MCTP2: variants seen among roughly 807,000 people sequenced by gnomAD.
MCTP2 encodes the protein multiple C2 and transmembrane domain containing 2.
Under a neutral mutation model 111.6 loss-of-function variants are expected in MCTP2, and 132 were observed. That is an observed-to-expected ratio of 1.18 (90% CI 1.03 to 1.37). The LOEUF (loss-of-function observed/expected upper bound fraction) is 1.37. Among genes scored for constraint, MCTP2 ranks in the 40% most tolerant of loss-of-function variants. The pLI is 0.00. For missense variants in MCTP2, 1,183 were observed against 1,067.9 expected (o/e 1.11, Z -1.50); for synonymous variants, 395 against 387.7 (o/e 1.02, Z -0.22).
rs753068209 is a variant in MCTP2 at position 94,273,544 on chromosome 15, C to T, written c.-65-24657C>T. On this transcript the variant is annotated intron_variant, in intron 1 of 22. Coordinates refer to ENST00000357742, the MANE Select transcript of MCTP2 (RefSeq NM_001385001.1). The stretch of plus-strand genomic sequence containing the variant: ...CTGGGACCACAGCAAAAACTGCAAA[C>T]GTCACTTCAATGCCCCCTCGCAGGT... 3.5e-5 allele frequency: 7 copies of T among 198,460 alleles called. No individual in the cohort carries two copies. The East Asian group carries it at 7.1e-4, about 20-fold the overall frequency. The allele number at this position is 198,460 out of a possible 1,614,324, so 12.3% of individuals were successfully genotyped here.
chr15:94,454,002 C>T (rs2084638977), intron 19 of MCTP2, among the ~76,000 whole-genome samples: 1 of 152,184 alleles, frequency 6.6e-6, no homozygotes, highest in African/African-American at 2.4e-5. Flanking sequence ...TCATTTTCCA[C>T]TTCAAGATTT....
At chr15:94,311,537 C>T (rs1020763722) in intron 2 of MCTP2, among the ~76,000 whole-genome samples, 1 of 152,062 alleles carries the variant, frequency 6.6e-6, no homozygotes, top group Non-Finnish European at 1.5e-5. Flanking sequence ...GTTATGTGTC[C>T]CCCAGCGGCT....
chr15:94,397,569 A>C (rs1281382348), intron 14 of MCTP2, among the ~76,000 whole-genome samples: 1 of 152,196 alleles, frequency 6.6e-6, no homozygotes, highest in Non-Finnish European at 1.5e-5. Context: ...CCAGGTCTTT[A>C]TGGGGCACCC....
intron 1 of MCTP2, among the ~76,000 whole-genome samples, chr15:94,270,895 C>T (rs1333664990): frequency 6.6e-6 from 1 of 152,176 alleles, no homozygotes; most frequent in African/African-American, 2.4e-5. Context: ...ACATAACTTT[C>T]ATGTAAGCAA....
intron 12 of MCTP2, among the ~76,000 whole-genome samples, chr15:94,378,374 T>C (rs771781443): frequency 1.3e-5 from 2 of 150,770 alleles, no homozygotes; most frequent in Non-Finnish European, 1.5e-5. Context: ...AAAAAAAAAT[T>C]AACCAGGTAT....
chr15:94,459,514 A>G (rs767222265), intron 20 of MCTP2, among the ~76,000 whole-genome samples: 5 of 152,212 alleles, frequency 3.3e-5, no homozygotes, highest in Non-Finnish European at 7.4e-5. Context: ...ATGAATTTTT[A>G]TTGAATTTAC....
chr15:94,242,542 A>G (rs1424023862), intron 1 of MCTP2, among the ~76,000 whole-genome samples: 2 of 152,006 alleles, frequency 1.3e-5, no homozygotes, highest in African/African-American at 4.8e-5. Flanking sequence ...AAGGATGAGA[A>G]AGCATGGTAG....
At chr15:94,416,818 G>C (rs190668349) in intron 17 of MCTP2, among the ~76,000 whole-genome samples, 1 of 152,244 alleles carries the variant, frequency 6.6e-6, no homozygotes, top group Admixed American at 6.5e-5. Context: ...AAGGAGGTAT[G>C]ATTGTCAGTA....
chr15:94,349,616 C>T (rs906802581), intron 8 of MCTP2, among the ~76,000 whole-genome samples: 2 of 151,706 alleles, frequency 1.3e-5, no homozygotes, highest in Non-Finnish European at 1.5e-5. Flanking sequence ...GTCAGGAGAT[C>T]GAGACCATCC....
intron 19 of MCTP2, among the ~76,000 whole-genome samples, chr15:94,445,180 A>G (rs1014553173): frequency 1.3e-5 from 2 of 152,202 alleles, no homozygotes; most frequent in African/African-American, 4.8e-5. Flanking sequence ...CATTCATCTC[A>G]GCATGGCCCA....
intron 1 of MCTP2, among the ~76,000 whole-genome samples, chr15:94,277,556 G>A (rs1255963809): frequency 6.6e-6 from 1 of 152,160 alleles, no homozygotes; most frequent in Non-Finnish European, 1.5e-5. Flanking sequence ...CATGAGTGAA[G>A]TAAGTTAGTC....
intron 12 of MCTP2, among the ~76,000 whole-genome samples, chr15:94,370,730 G>A (rs1469068861): frequency 6.6e-6 from 1 of 152,112 alleles, no homozygotes. Context: ...CATGCTTTGT[G>A]CTGGATTATG....
intron 17 of MCTP2, among the ~76,000 whole-genome samples, chr15:94,431,675 T>A (rs2083191221): frequency 6.6e-6 from 1 of 152,154 alleles, no homozygotes. Flanking sequence ...AAATTATAAT[T>A]TTTTTTAAAA....
At chr15:94,338,880 G>T (rs943238647) in intron 4 of MCTP2, among the ~76,000 whole-genome samples, 2 of 152,168 alleles carry the variant, frequency 1.3e-5, no homozygotes, top group Non-Finnish European at 2.9e-5. Context: ...ATAGGATTCT[G>T]TTGAATCAGC....
At position 94,345,094 on chromosome 15, in the gene MCTP2, G is replaced by GC. The variant is rs768021642; in HGVS notation, c.970-33dup. The GC allele has an allele frequency of 5.0e-6, 8 of 1,609,538 alleles. No homozygotes were observed. In the African/African-American group the frequency reaches 9.4e-5, roughly 19 times the overall value. ...ATTCTATCTTCCTCTGTTTTATTTT[G>GC]CCATTTTCACCATTCCGCGGACACA... On this transcript the variant is annotated intron_variant, in intron 7 of 22. Coordinates refer to ENST00000357742, the MANE Select transcript of MCTP2 (RefSeq NM_001385001.1).
At chr15:94,359,288 T>C (rs758908252) in intron 10 of MCTP2, among the ~76,000 whole-genome samples, 2 of 152,182 alleles carry the variant, frequency 1.3e-5, no homozygotes, top group Admixed American at 6.5e-5. Context: ...GCTCATTCTA[T>C]AGATGATGAA....
At chr15:94,363,144 G>T (rs1206520804) in intron 10 of MCTP2, among the ~76,000 whole-genome samples, 2 of 152,148 alleles carry the variant, frequency 1.3e-5, no homozygotes, top group South Asian at 2.1e-4. Flanking sequence ...TGTGAGTTTT[G>T]TTACGGCGCT....
chr15:94,443,981 C>CAAAAAA lies in MCTP2; in HGVS notation c.2250+1041_2250+1046dup, dbSNP rs58768404. On this transcript the variant is annotated intron_variant, in intron 19 of 22. Coordinates refer to ENST00000357742, the MANE Select transcript of MCTP2 (RefSeq NM_001385001.1). ...TAAGGTTTATAATGGGATATTTTAC[C>CAAAAAA]AAAAAAAAAAAAAAAAAAAAAAAAA... 2.2e-3 allele frequency among the ~76,000 whole-genome samples: 156 copies of CAAAAAA among 69,386 alleles called. 12 individuals are homozygous for CAAAAAA. Among genetic ancestry groups the CAAAAAA allele is most frequent in the South Asian group, 3.9e-3 (5 of 1,298 alleles). 45.5% of individuals were successfully genotyped at this position (69,386 alleles called of 152,430 possible).
At chr15:94,327,369 C>T (rs2076930896) in intron 4 of MCTP2, among the ~76,000 whole-genome samples, 1 of 152,212 alleles carries the variant, frequency 6.6e-6, no homozygotes. Flanking sequence ...TTTAAGTATA[C>T]ATTAAATTGC....
Sources: gnomAD v4.1 joint callset for allele counts (sites outside exome capture counted in the v4.1 genomes callset) on GRCh38, gnomAD v4.1.1 for gene constraint, MANE v1.5 for transcripts, NCBI Gene and HGNC (gene_info 2026-07-23, HGNC 2026-07-21) for gene names.